Variants in EDDM13 observed in about 807,000 individuals in gnomAD.
EDDM13 encodes epididymal protein 13.
EDDM13 carries 24 observed loss-of-function variants against 17.8 expected under a neutral mutation model. That is an observed-to-expected ratio of 1.35 (90% CI 0.98 to 1.90). The LOEUF (loss-of-function observed/expected upper bound fraction) is 1.90. Among genes scored for constraint, EDDM13 ranks in the 40% most tolerant of loss-of-function variants. EDDM13 has a pLI of 0.00. For missense variants in EDDM13, 97 were observed against 100.8 expected (o/e 0.96, Z 0.16); for synonymous variants, 31 against 37.5 (o/e 0.83, Z 0.63).
Position 56,302,160 on chromosome 19 carries a change from G to A in EDDM13, c.423+65G>A, listed in dbSNP as rs1021887570. ...AGGAAGGAAAGAGGAGGGAAGTGGG[G>A]GCACAGAGGAAGCGAAGGAGGGTGC... On this transcript the variant is annotated intron_variant, in intron 13 of 14. Coordinates refer to ENST00000649256, the MANE Select transcript of EDDM13 (RefSeq NM_001354658.2). The A allele has an allele frequency of 8.5e-6, 10 of 1,180,856 alleles. No homozygotes were observed. The South Asian group carries it at 3.5e-4, about 41-fold the overall frequency. 73.1% of individuals were successfully genotyped at this position (1,180,856 alleles called of 1,614,324 possible).
chr19:56,280,521 A>G (rs1402915747), intron 2 of EDDM13: 1 of 152,182 alleles, frequency 6.6e-6, no homozygotes, highest in African/African-American at 2.4e-5. Context: ...ATATATAGAT[A>G]TATATTTCTT....
chr19:56,293,151 C>A (rs935633777), intron 9 of EDDM13, among the ~76,000 whole-genome samples: 3 of 152,160 alleles, frequency 2.0e-5, no homozygotes, highest in Non-Finnish European at 4.4e-5. Context: ...TCTGAAAAAA[C>A]AAATTGAAAA....
At chr19:56,302,669 C>T (rs2040419823) in intron 13 of EDDM13, among the ~76,000 whole-genome samples, 1 of 139,428 alleles carries the variant, frequency 7.2e-6, no homozygotes, top group Admixed American at 7.3e-5. Context: ...CTGTTCTTTC[C>T]TTCCTCCTTC....
rs201997424 is a variant in EDDM13, at chr19:56,282,661, GAAC to G, written c.118+177_118+179del. Among the ~76,000 whole-genome samples the G allele has an allele frequency of 1.5e-3, 223 of 152,208 alleles. 4 individuals are homozygous for G. In the South Asian group the frequency reaches 0.031, roughly 21 times the overall value. On this transcript the variant is annotated intron_variant, in intron 4 of 14. Coordinates refer to ENST00000649256, the MANE Select transcript of EDDM13 (RefSeq NM_001354658.2). ...ACCAAGTGTGGAATTGTCCTTTGAT[GAAC>G]AACAACAACAACAAAAGCCCTTTTA...
intron 13 of EDDM13, among the ~76,000 whole-genome samples, chr19:56,302,427 TCTCC>T (rs773397614): frequency 1.1e-4 from 14 of 125,392 alleles, no homozygotes; most frequent in African/African-American, 1.6e-4. Flanking sequence ...TCCCTCCCTT[TCTCC>T]CTTCCTTCCT....
At chr19:56,282,661 G>GAAC (rs201997424) in intron 4 of EDDM13, among the ~76,000 whole-genome samples, 162 bp downstream of exon 4, 7 of 152,094 alleles carry the variant, frequency 4.6e-5, no homozygotes, top group African/African-American at 9.7e-5. Context: ...GTCCTTTGAT[G>GAAC]AACAACAACA....
intron 9 of EDDM13, among the ~76,000 whole-genome samples, chr19:56,293,648 T>G (rs1200196930): frequency 6.6e-6 from 1 of 152,132 alleles, no homozygotes; most frequent in East Asian, 1.9e-4. Flanking sequence ...CTCATATGGT[T>G]GTGAGGAGTA....
At position 56,307,241 on chromosome 19, in the gene EDDM13, C is replaced by T. The variant is rs543294309; in HGVS notation, c.461+2411C>T. ...TCCCACGTCGCCTGCCTTTCATCCT[C>T]TCCCTGGCATCCCCAGTGCCCTTTT... On this transcript the variant is annotated intron_variant, in intron 14 of 14. Transcript: ENST00000649256. Among the ~76,000 whole-genome samples, 3 of 152,328 alleles carry T rather than the reference C, an allele frequency of 2.0e-5. No homozygotes were observed. The South Asian group carries it at 6.2e-4, about 32-fold the overall frequency.
chr19:56,300,252 A>T (rs1435455692), intron 12 of EDDM13, among the ~76,000 whole-genome samples: 1 of 152,220 alleles, frequency 6.6e-6, no homozygotes, highest in African/African-American at 2.4e-5. Context: ...ACCCTTTTAT[A>T]TAGCCAAGCA....
At chr19:56,293,994 T>C (rs1332216479) in intron 9 of EDDM13, among the ~76,000 whole-genome samples, 2 of 152,238 alleles carry the variant, frequency 1.3e-5, no homozygotes, top group African/African-American at 4.8e-5. Flanking sequence ...AACACTCCCA[T>C]GTCTGCAGGA....
At chr19:56,302,581 C>CTTCCTCCCCCCTT (rs1555807484) in intron 13 of EDDM13, among the ~76,000 whole-genome samples, 1 of 39,990 alleles carries the variant, frequency 2.5e-5, no homozygotes, top group Admixed American at 3.0e-4. Context: ...TTCTTCCTCC[C>CTTCCTCCCCCCTT]CCTTTTCTTC....
chr19:56,309,683 T>G (rs912276634), intron 14 of EDDM13, among the ~76,000 whole-genome samples: 1 of 152,118 alleles, frequency 6.6e-6, no homozygotes, highest in Admixed American at 6.5e-5. Flanking sequence ...CACACCAGGC[T>G]AGGGGGTGCA....
At chr19:56,298,100 T>C (rs1454078505) in intron 12 of EDDM13, 2 of 147,782 alleles carry the variant, frequency 1.4e-5, no homozygotes, top group Non-Finnish European at 3.0e-5. Flanking sequence ...ACAACACTAA[T>C]GGTTGGTTCT....
chr19:56,275,818 C>T (rs774759207), intron 1 of EDDM13, among the ~76,000 whole-genome samples: 2 of 152,182 alleles, frequency 1.3e-5, no homozygotes, highest in Non-Finnish European at 2.9e-5. Context: ...GATTTATCTG[C>T]GTCTCCAACA....
chr19:56,288,312 C>T (rs2039276100), intron 6 of EDDM13, among the ~76,000 whole-genome samples, 73 bp from the exon 7 acceptor site: 1 of 152,298 alleles, frequency 6.6e-6, no homozygotes, highest in East Asian at 1.9e-4. Context: ...CCACATCGTT[C>T]CCTCTGTCTG....
chr19:56,286,044 C>T (rs541231852), intron 6 of EDDM13, among the ~76,000 whole-genome samples: 6 of 152,248 alleles, frequency 3.9e-5, no homozygotes, highest in East Asian at 1.9e-4. Context: ...TATTTAGAGA[C>T]GGAGTCTCGC....
At chr19:56,293,240 T>G (rs1027512286) in intron 9 of EDDM13, among the ~76,000 whole-genome samples, 4 of 152,182 alleles carry the variant, frequency 2.6e-5, no homozygotes, top group African/African-American at 9.7e-5. Context: ...AGTCCCCAAG[T>G]CATCGTCCTT....
chr19:56,288,744 C>T (rs2039310422), intron 7 of EDDM13, among the ~76,000 whole-genome samples, 130 bp from the exon 8 acceptor site: 1 of 152,152 alleles, frequency 6.6e-6, no homozygotes, highest in Admixed American at 6.5e-5. Context: ...GTAGCATTTC[C>T]ACCTCTGCTC....
At chr19:56,292,136 CAG>C (rs1490395699) in intron 9 of EDDM13, among the ~76,000 whole-genome samples, 1 of 152,178 alleles carries the variant, frequency 6.6e-6, no homozygotes, top group Non-Finnish European at 1.5e-5. Flanking sequence ...CTGTGTGGCT[CAG>C]ACTTATTTTC....
Sources: allele counts gnomAD v4.1 joint callset (sites outside exome capture counted in the v4.1 genomes callset), GRCh38; gene constraint gnomAD v4.1.1; transcripts MANE v1.5; gene names NCBI Gene and HGNC (gene_info 2026-07-23, HGNC 2026-07-21).